DLGAP2: variants seen among roughly 807,000 people sequenced by gnomAD.
DLGAP2 encodes the protein DLG associated protein 2, also known as disks large-associated protein 2.
DLGAP2 carries 26 observed loss-of-function variants against 100.3 expected under a neutral mutation model. The observed-to-expected ratio is 0.26, with a 90% CI of 0.19 to 0.36. The LOEUF is 0.36. Among genes scored for constraint, DLGAP2 ranks in the 10% least tolerant of loss-of-function variants. DLGAP2 has a pLI of 1.00. For missense variants in DLGAP2, 1,858 were observed against 1,453.2 expected, an observed-to-expected ratio of 1.28 and a Z score of -4.53; for synonymous variants, 886 against 630.1, an observed-to-expected ratio of 1.41 and a Z score of -6.08.
chr8:1,669,031 G>A (rs1319668084), intron 9 of DLGAP2, among the ~76,000 whole-genome samples: 2 of 152,236 alleles, frequency 1.3e-5, no homozygotes, highest in African/African-American at 2.4e-5. Flanking sequence ...CTTTAAAGGG[G>A]AGGGTTTCTG....
At chr8:1,254,718 C>A (rs946359072) in intron 2 of DLGAP2, among the ~76,000 whole-genome samples, 4 of 152,136 alleles carry the variant, frequency 2.6e-5, no homozygotes, top group African/African-American at 9.7e-5. Flanking sequence ...CAGGATGAGA[C>A]GAAAAAATCC....
Position 1,135,446 on chromosome 8 carries a change from G to A in DLGAP2, c.74-123405G>A, listed in dbSNP as rs115582619. Among the ~76,000 whole-genome samples, 785 of 150,940 alleles carry A rather than the reference G, an allele frequency of 5.2e-3. 6 individuals carry two copies. The highest frequency in any genetic ancestry group is 0.017 in the African/African-American group (715 of 41,240). ...AGGCGGAAATGGTTTTAGGAACCAC[G>A]CAGAGATAGTTACTTAGAGATTTCT... On this transcript the variant is annotated intron_variant, in intron 2 of 14. Coordinates refer to ENST00000637795, the MANE Select transcript of DLGAP2 (RefSeq NM_001346810.2).
At chr8:1,683,207 C>T (rs1799003307) in intron 12 of DLGAP2, among the ~76,000 whole-genome samples, 1 of 151,580 alleles carries the variant, frequency 6.6e-6, no homozygotes, top group Non-Finnish European at 1.5e-5. Flanking sequence ...ATGCTTTCAC[C>T]TGGGAAGATT....
chr8:1,279,662 GTGAGGCTTGGC>G (rs770425661), intron 3 of DLGAP2, among the ~76,000 whole-genome samples: 14 of 152,236 alleles, frequency 9.2e-5, no homozygotes, highest in South Asian at 2.1e-4. Context: ...GTGTCAGCTT[GTGAGGCTTGGC>G]TGAGTTGGTG....
At chr8:955,479 G>T (rs1456962689) in intron 2 of DLGAP2, among the ~76,000 whole-genome samples, 2 of 152,028 alleles carry the variant, frequency 1.3e-5, no homozygotes, top group African/African-American at 4.8e-5. Context: ...CCTTCTCTGT[G>T]TGCTGCTCTG....
At chr8:1,536,053 C>A (rs979327270) in intron 4 of DLGAP2, among the ~76,000 whole-genome samples, 2 of 152,200 alleles carry the variant, frequency 1.3e-5, no homozygotes, top group Non-Finnish European at 2.9e-5. Context: ...GCCCCAGTTT[C>A]TCCATTAAAG....
chr8:1,299,870 C>A (rs1193214152), intron 3 of DLGAP2: 2 of 152,174 alleles, frequency 1.3e-5, no homozygotes, highest in African/African-American at 4.8e-5. Context: ...CTGGAACTCC[C>A]ACAACAAAAC....
chr8:1,602,275 C>G (rs1377892016), intron 6 of DLGAP2, among the ~76,000 whole-genome samples: 1 of 152,202 alleles, frequency 6.6e-6, no homozygotes, highest in Non-Finnish European at 1.5e-5. Context: ...TAATGACATT[C>G]TAGTAGAAAG....
At chr8:1,320,397 C>G (rs1237591430) in intron 3 of DLGAP2, among the ~76,000 whole-genome samples, 1 of 151,990 alleles carries the variant, frequency 6.6e-6, no homozygotes, top group African/African-American at 2.4e-5. Context: ...TGGAGCCGGA[C>G]CGGAGGAGGA....
intron 1 of DLGAP2, among the ~76,000 whole-genome samples, chr8:867,541 A>C (rs1450219954): frequency 6.6e-6 from 1 of 152,234 alleles, no homozygotes; most frequent in Non-Finnish European, 1.5e-5. Context: ...GGCTTTCTCT[A>C]TGCTGCATTC....
intron 2 of DLGAP2, among the ~76,000 whole-genome samples, chr8:1,017,640 AGAT>A (rs1470223814): frequency 4.1e-5 from 6 of 145,360 alleles, no homozygotes; most frequent in African/African-American, 1.5e-4. Context: ...TGACCGGGAC[AGAT>A]GACACCTCCA....
chr8:1,120,093 AAATTC>A lies in DLGAP2; in HGVS notation c.74-138755_74-138751del, dbSNP rs201322635. 2.0e-3 allele frequency among the ~76,000 whole-genome samples: 298 copies of A among 152,308 alleles called. 2 individuals are homozygous for A. Among genetic ancestry groups the A allele is most frequent in the African/African-American group, 6.7e-3 (277 of 41,568 alleles). ...CCCTACTACATCTTAGCTAAGTTGG[AAATTC>A]AAACATCTTTGCAGGTCCCATTTCA... On this transcript the variant is annotated intron_variant, in intron 2 of 14. Transcript: ENST00000637795.
In DLGAP2 at chr8:1,687,987, T is replaced by G. The variant is rs147728965; in HGVS notation, c.2705-3548T>G. 4.5e-3 allele frequency among the ~76,000 whole-genome samples: 682 copies of G among 152,266 alleles called. 8 individuals carry two copies. The highest frequency in any genetic ancestry group is 0.016 in the African/African-American group (653 of 41,544). ...GCAAAGATGATTCCTCCCCTCGTCATCAGCGAGTCCAGGGCTGCAGAACAC... is the reference window on the plus strand; with the variant it reads ...GCAAAGATGATTCCTCCCCTCGTCAGCAGCGAGTCCAGGGCTGCAGAACAC... On this transcript the variant is annotated intron_variant, in intron 12 of 14. Coordinates refer to ENST00000637795, the MANE Select transcript of DLGAP2 (RefSeq NM_001346810.2).
At chr8:1,454,791 G>A (rs1399517155) in intron 3 of DLGAP2, among the ~76,000 whole-genome samples, 3 of 152,164 alleles carry the variant, frequency 2.0e-5, no homozygotes, top group Non-Finnish European at 4.4e-5. Context: ...TAAAGTCAGT[G>A]GCCCAGAGAC....
intron 4 of DLGAP2, among the ~76,000 whole-genome samples, chr8:1,502,940 G>A (rs1400949718): frequency 2.0e-5 from 3 of 152,084 alleles, no homozygotes; most frequent in Admixed American, 6.5e-5. Flanking sequence ...CTGGAGGCTG[G>A]AGCAGGGGGC....
intron 3 of DLGAP2, among the ~76,000 whole-genome samples, chr8:1,456,983 G>A (rs1335334963): frequency 1.3e-5 from 2 of 152,236 alleles, no homozygotes; most frequent in Admixed American, 1.3e-4. Flanking sequence ...GCCCAGGCCT[G>A]CAATTAGCCT....
intron 1 of DLGAP2, among the ~76,000 whole-genome samples, chr8:753,206 C>T (rs112997080): frequency 2.6e-5 from 4 of 152,150 alleles, no homozygotes; most frequent in African/African-American, 7.2e-5. Context: ...CCGTCACTTA[C>T]GCAGAGGAGG....
chr8:1,576,654 A>G (rs1802992333), intron 6 of DLGAP2, among the ~76,000 whole-genome samples: 1 of 152,204 alleles, frequency 6.6e-6, no homozygotes, highest in South Asian at 2.1e-4. Flanking sequence ...TATAAGGTGT[A>G]AGGAAGGGAT....
chr8:1,232,098 G>A (rs1798547573), intron 2 of DLGAP2, among the ~76,000 whole-genome samples: 1 of 152,214 alleles, frequency 6.6e-6, no homozygotes, highest in African/African-American at 2.4e-5. Context: ...TTAATTTGAA[G>A]AAGGGCCTGG....
Sources: allele counts gnomAD v4.1 joint callset (sites outside exome capture counted in the v4.1 genomes callset), GRCh38; gene constraint gnomAD v4.1.1; transcripts MANE v1.5; gene names NCBI Gene and HGNC (gene_info 2026-07-23, HGNC 2026-07-21).